The following SELENOI variants were observed in gnomAD, a reference collection of about 807,000 sequenced individuals.
The protein encoded by SELENOI is ethanolaminephosphotransferase 1.
A neutral mutation model predicts 50.7 loss-of-function variants in SELENOI; 24 were observed. That is an observed-to-expected ratio of 0.47 (90% confidence interval 0.34 to 0.67). SELENOI has a LOEUF of 0.67. Ranked by LOEUF, SELENOI falls within the 30% of genes least tolerant of loss-of-function variation. The pLI, the probability that SELENOI is intolerant of heterozygous loss-of-function variation, is 0.01. For missense variants in SELENOI, 352 were observed against 461.4 expected (o/e 0.76, Z 2.17); for synonymous variants, 155 against 170.2 (o/e 0.91, Z 0.70).
chr2:26,354,372 G>A (rs537053228), intron 1 of SELENOI, among the ~76,000 whole-genome samples: 41 of 152,120 alleles, frequency 2.7e-4, no homozygotes, highest in Admixed American at 2.6e-3. Context: ...GGTACTGGCT[G>A]TTTGTTTTTG....
chr2:26,364,221 A>G lies in SELENOI; in HGVS notation c.58-81A>G, dbSNP rs116054902. On this transcript the variant is annotated intron_variant, in intron 1 of 9. Transcript: ENST00000260585. Reference sequence around the variant, plus strand: ...ATGCGCCACTGCGCCTGGCTTTACTATTATTTTCACCTAAGAAATGTTATT... The same window carrying G: ...ATGCGCCACTGCGCCTGGCTTTACTGTTATTTTCACCTAAGAAATGTTATT... 6.6e-5 allele frequency: 70 copies of G among 1,054,632 alleles called. 1 individual carries two copies. The highest frequency in any genetic ancestry group is 9.8e-5 in the Non-Finnish European group (69 of 706,898). 65.3% of individuals were successfully genotyped at this position (1,054,632 alleles called of 1,614,324 possible).
intron 4 of SELENOI, among the ~76,000 whole-genome samples, chr2:26,369,834 C>T (rs1677372060): frequency 6.6e-6 from 1 of 152,188 alleles, no homozygotes. Flanking sequence ...TGTGCTTTTC[C>T]ACCCTGGTGT....
chr2:26,380,273 T>C (rs1337308015), intron 6 of SELENOI, among the ~76,000 whole-genome samples: 2 of 152,248 alleles, frequency 1.3e-5, no homozygotes, highest in Non-Finnish European at 2.9e-5. Context: ...TTTAATTTTA[T>C]GGCTTATCTT....
At chr2:26,371,539 A>C (rs1243336870) in intron 4 of SELENOI, among the ~76,000 whole-genome samples, 1 of 152,200 alleles carries the variant, frequency 6.6e-6, no homozygotes, top group Non-Finnish European at 1.5e-5. Context: ...TAGCGAGCCG[A>C]GATCACGCCA....
At chr2:26,357,580 G>A (rs1261757438) in intron 1 of SELENOI, among the ~76,000 whole-genome samples, 2 of 152,184 alleles carry the variant, frequency 1.3e-5, no homozygotes, top group Non-Finnish European at 2.9e-5. Flanking sequence ...ATCCTTCCTT[G>A]CCTCTATTTC....
intron 1 of SELENOI, among the ~76,000 whole-genome samples, chr2:26,349,689 T>TG (rs1223459537): frequency 1.3e-5 from 2 of 150,184 alleles, no homozygotes; most frequent in Non-Finnish European, 3.0e-5. Context: ...TTTTTTTTTT[T>TG]GTCCTGGTTT....
intron 1 of SELENOI, among the ~76,000 whole-genome samples, chr2:26,359,830 G>T (rs6546936): frequency 0.86 from 130,882 of 152,042 alleles, 57,407 homozygotes; most frequent in Middle Eastern, 0.94. Flanking sequence ...TCTGAGGCCT[G>T]TAAAATGAGG....
rs1678031813 is a variant in SELENOI at position 26,394,109 on chromosome 2, A to G, written c.*5006A>G. 6.6e-6 allele frequency: 1 copy of G among 152,246 alleles called. No homozygotes were observed. The highest frequency in any genetic ancestry group is 1.5e-5 in the Non-Finnish European group (1 of 68,050). 9.4% of individuals were successfully genotyped at this position (152,246 alleles called of 1,614,324 possible). A position where few individuals can be genotyped will look rare whatever the true frequency, so the allele number is the denominator to read the frequency against. ...TAATTCTGCAAGATCTGTGAATAGCATTATAAATCTGGGGCAGGTGCCTGT... is the reference window on the plus strand; with the variant it reads ...TAATTCTGCAAGATCTGTGAATAGCGTTATAAATCTGGGGCAGGTGCCTGT... On this transcript the variant is annotated 3_prime_UTR_variant, in exon 10 of 10. Transcript: ENST00000260585. This position sits in a 1 kb window ranked among gnomAD's most constrained non-coding sequence, Gnocchi z 4.1.
intron 1 of SELENOI, among the ~76,000 whole-genome samples, chr2:26,348,781 A>G (rs1676880194): frequency 6.6e-6 from 1 of 151,772 alleles, no homozygotes; most frequent in African/African-American, 2.4e-5. Context: ...AGGAATGAGA[A>G]TGTAAAAGAA....
chr2:26,388,911 A>G (rs987985580), intron 9 of SELENOI, 94 bp from the exon 10 acceptor site: 1 of 953,558 alleles, frequency 1.0e-6, no homozygotes, highest in Non-Finnish European at 1.6e-6. Flanking sequence ...TTGCCGTGTC[A>G]ATAAATTGTT....
At chr2:26,348,330 G>T (rs1465960855) in intron 1 of SELENOI, among the ~76,000 whole-genome samples, 1 of 152,210 alleles carries the variant, frequency 6.6e-6, no homozygotes, top group Non-Finnish European at 1.5e-5. Context: ...TTATAAGAGG[G>T]ATGTAAAGAA....
chr2:26,364,161 C>G (rs1407526028), intron 1 of SELENOI, 141 bp from the exon 2 acceptor site: 2 of 485,862 alleles, frequency 4.1e-6, no homozygotes, highest in African/African-American at 4.3e-5. Flanking sequence ...AAGTGATCCT[C>G]AGGCCTCAGC....
At position 26,393,678 on chromosome 2, in the gene SELENOI, A is replaced by G. The variant is rs1678021444; in HGVS notation, c.*4575A>G. The stretch of plus-strand genomic sequence containing the variant: ...TCTTTCTCTCCAGAGAATCATTCTT[A>G]GAAAGCCAGGCTAAATCAGAGTAGT... On this transcript the variant is annotated 3_prime_UTR_variant, in exon 10 of 10. Coordinates refer to ENST00000260585, the MANE Select transcript of SELENOI (RefSeq NM_033505.4). The G allele has an allele frequency of 6.6e-6, 1 of 152,270 alleles. No individual in the cohort carries two copies. Among genetic ancestry groups the G allele is most frequent in the Admixed American group, 6.5e-5 (1 of 15,290 alleles). The allele number at this position is 152,270 out of a possible 1,614,324, so 9.4% of individuals were successfully genotyped here. A position where few individuals can be genotyped will look rare whatever the true frequency, so the allele number is the denominator to read the frequency against.
At chr2:26,372,265 A>G (rs13034261) in intron 4 of SELENOI, among the ~76,000 whole-genome samples, 48,858 of 152,124 alleles carry the variant, frequency 0.32, 10,067 homozygotes, top group Non-Finnish European at 0.46. Flanking sequence ...GGTGTGCACC[A>G]TCCCCGGCTA....
rs74621096 is a variant in SELENOI at position 26,373,859 on chromosome 2, C to G, written c.573+230C>G. Among the ~76,000 whole-genome samples, 754 of 152,258 alleles carry G rather than the reference C, an allele frequency of 5.0e-3. 8 individuals carry two copies. The highest frequency in any genetic ancestry group is 0.017 in the African/African-American group (707 of 41,544). On this transcript the variant is annotated intron_variant, in intron 5 of 9. Coordinates refer to ENST00000260585, the MANE Select transcript of SELENOI (RefSeq NM_033505.4). ...AGAATAGACCCTAATGTACCCATTG[C>G]TGAGGCTGAGGCCTCCCGAGTAGCT...
rs1453284169 is a variant in SELENOI at position 26,346,171 on chromosome 2, T to A, written c.-62T>A. ...ATCCTTGCCCAGCCGGTGTGGTGCTTGTGTGTCACAGCCTTGTAGCCGGGA... is the reference window on the plus strand; with the variant it reads ...ATCCTTGCCCAGCCGGTGTGGTGCTAGTGTGTCACAGCCTTGTAGCCGGGA... On this transcript the variant is annotated 5_prime_UTR_variant, in exon 1 of 10. Coordinates refer to ENST00000260585, the MANE Select transcript of SELENOI (RefSeq NM_033505.4). 6.2e-7 allele frequency: 1 copy of A among 1,612,052 alleles called. No homozygotes were observed. Among genetic ancestry groups the A allele is most frequent in the Non-Finnish European group, 8.5e-7 (1 of 1,179,084 alleles).
chr2:26,382,820 T>G (rs982705066), intron 6 of SELENOI, among the ~76,000 whole-genome samples: 2 of 151,804 alleles, frequency 1.3e-5, no homozygotes, highest in African/African-American at 4.8e-5. Context: ...CAGACCCTGT[T>G]TCCATAAAAA....
intron 6 of SELENOI, among the ~76,000 whole-genome samples, chr2:26,378,760 T>A (rs1558420234): frequency 6.6e-6 from 1 of 152,238 alleles, no homozygotes; most frequent in Non-Finnish European, 1.5e-5. Flanking sequence ...TAATCATCAT[T>A]TGTGAGAAGA....
At position 26,387,462 on chromosome 2, in the gene SELENOI, G is replaced by A. The variant is rs539249247; in HGVS notation, c.1095+926G>A. ...TCCTAGCCCTTTGAGAGGCTGAGGC[G>A]GGTGGATCGCTTTAGCTCAGGAGTT... On this transcript the variant is annotated intron_variant, in intron 9 of 9. Coordinates refer to ENST00000260585, the MANE Select transcript of SELENOI (RefSeq NM_033505.4). Among the ~76,000 whole-genome samples the A allele has an allele frequency of 5.9e-5, 9 of 152,048 alleles. No homozygotes were observed. The South Asian group carries it at 8.3e-4, about 14-fold the overall frequency.
Sources: allele counts gnomAD v4.1 joint callset (sites outside exome capture counted in the v4.1 genomes callset), GRCh38; gene constraint gnomAD v4.1.1; non-coding constraint Gnocchi (gnomAD v3.1); transcripts MANE v1.5; gene names NCBI Gene and HGNC (gene_info 2026-07-23, HGNC 2026-07-21).